PYGB: variants seen among roughly 807,000 people sequenced by gnomAD.
PYGB encodes the protein glycogen phosphorylase B.
In PYGB, 82 loss-of-function variants were observed where a neutral mutation model predicts 94.3. That is an observed-to-expected ratio of 0.87 (90% CI 0.73 to 1.04). PYGB has a LOEUF of 1.04. Among genes scored for constraint, PYGB ranks in the 50% least tolerant of loss-of-function variants. The pLI is 0.00. For synonymous variants in PYGB, 488 were observed against 479.1 expected (o/e 1.02, Z -0.24); for missense variants, 1,132 against 1,158.2 (o/e 0.98, Z 0.33).
intron 14 of PYGB, among the ~76,000 whole-genome samples, chr20:25,284,502 C>T (rs1462714991): frequency 1.3e-5 from 2 of 152,360 alleles, no homozygotes; most frequent in East Asian, 1.9e-4. Flanking sequence ...GGTGCCATCA[C>T]GGCTCACTGC....
chr20:25,260,898 G>C (rs563120187), intron 2 of PYGB, among the ~76,000 whole-genome samples: 1 of 152,356 alleles, frequency 6.6e-6, no homozygotes, highest in East Asian at 1.9e-4. Flanking sequence ...AACAGTATGA[G>C]ATTGAACTGC....
intron 14 of PYGB, among the ~76,000 whole-genome samples, chr20:25,287,096 G>A (rs1242879228): frequency 6.6e-6 from 1 of 152,148 alleles, no homozygotes; most frequent in Non-Finnish European, 1.5e-5. Flanking sequence ...TCCCCTTTTT[G>A]TAGGAACCTC....
chr20:25,278,857 C>T (rs1051808309), intron 8 of PYGB, among the ~76,000 whole-genome samples, 200 bp from the exon 9 acceptor site: 23 of 149,910 alleles, frequency 1.5e-4, no homozygotes, highest in African/African-American at 2.2e-4. Context: ...GCAGGCACAT[C>T]GGGCACAGCG....
At chr20:25,283,125 C>T (rs1311891155) in intron 12 of PYGB, 51 bp from the exon 13 acceptor site, 4 of 1,474,704 alleles carry the variant, frequency 2.7e-6, no homozygotes, top group Non-Finnish European at 3.8e-6. Context: ...CTAGGGGGCC[C>T]AGCCTCAGGA....
chr20:25,278,501 C>T (rs781571841), intron 8 of PYGB, 39 bp downstream of exon 8: 3 of 1,609,610 alleles, frequency 1.9e-6, no homozygotes, highest in Non-Finnish European at 2.5e-6. Context: ...GTGCCAGGGG[C>T]TGGGCGCCTT....
chr20:25,248,293 A>G lies in PYGB; in HGVS notation c.115A>G (p.Thr39Ala). Residue 39 changes from threonine to alanine, a missense_variant, in exon 1 of 20, where the codon ACG becomes GCG. Coordinates refer to ENST00000216962, the MANE Select transcript of PYGB (RefSeq NM_002862.4). ...RKSFNRHLHFTLVKDRNVATP... is the reference protein window; with the variant it reads ...RKSFNRHLHFALVKDRNVATP... Reference sequence around the variant, plus strand: ...GAGCTTCAACCGGCACTTGCACTTCACGCTGGTCAAGGACCGCAATGTGGC... The same window carrying G: ...GAGCTTCAACCGGCACTTGCACTTCGCGCTGGTCAAGGACCGCAATGTGGC... 1 of 1,605,122 alleles carries G rather than the reference A, an allele frequency of 6.2e-7. No homozygotes were observed. The highest frequency in any genetic ancestry group is 1.7e-4 in the Middle Eastern group (1 of 6,038).
chr20:25,271,713 T>G (rs900659757), intron 4 of PYGB, among the ~76,000 whole-genome samples: 3 of 152,178 alleles, frequency 2.0e-5, no homozygotes, highest in African/African-American at 7.2e-5. Context: ...TGCCTCTGCC[T>G]GGTGACAGGG....
chr20:25,288,196 G>A lies in PYGB; in HGVS notation c.1769-229G>A. The A allele has an allele frequency of 4.4e-6, 3 of 680,902 alleles. No individual in the cohort carries two copies. In the South Asian group the frequency reaches 4.5e-5, roughly 10 times the overall value. The allele number at this position is 680,902 out of a possible 1,614,324, so 42.2% of individuals were successfully genotyped here. A position where few individuals can be genotyped will look rare whatever the true frequency, so the allele number is the denominator to read the frequency against. On this transcript the variant is annotated intron_variant, in intron 14 of 19. Coordinates refer to ENST00000216962, the MANE Select transcript of PYGB (RefSeq NM_002862.4). Reference sequence around the variant, plus strand: ...CCTTCCTCACCAGCGGGGAACCTAAGTGCAGACCTCAGGGTGGCCTCACTC... The same window carrying A: ...CCTTCCTCACCAGCGGGGAACCTAAATGCAGACCTCAGGGTGGCCTCACTC...
chr20:25,287,477 T>C (rs1205460553), intron 14 of PYGB, among the ~76,000 whole-genome samples: 1 of 152,130 alleles, frequency 6.6e-6, no homozygotes, highest in African/African-American at 2.4e-5. Flanking sequence ...AAACCCCATC[T>C]GTACTAAAAG....
At chr20:25,294,992 A>T in intron 18 of PYGB, 26 of 1,614,196 alleles carry the variant, frequency 1.6e-5, no homozygotes, top group Non-Finnish European at 2.1e-5. Context: ...CTCTGACCAC[A>T]TGCTGGGATC....
At chr20:25,256,511 AAAAC>A (rs1481261305) in intron 1 of PYGB, among the ~76,000 whole-genome samples, 1 of 151,884 alleles carries the variant, frequency 6.6e-6, no homozygotes, top group Non-Finnish European at 1.5e-5. Context: ...AAAAAAAACA[AAAAC>A]AAAAACAAAA....
At chr20:25,249,168 GT>G (rs1444237533) in intron 1 of PYGB, among the ~76,000 whole-genome samples, 33 of 152,326 alleles carry the variant, frequency 2.2e-4, no homozygotes, top group African/African-American at 7.7e-4. Context: ...ATGGGCCTGT[GT>G]TCTTGCTGTG....
chr20:25,265,054 G>A (rs935976033), intron 2 of PYGB, among the ~76,000 whole-genome samples: 2 of 152,190 alleles, frequency 1.3e-5, no homozygotes, highest in Non-Finnish European at 2.9e-5. Flanking sequence ...AACCAAAACA[G>A]CATGGTACTG....
chr20:25,259,075 G>A (rs777105538), intron 1 of PYGB, among the ~76,000 whole-genome samples, 162 bp from the exon 2 acceptor site: 19 of 152,188 alleles, frequency 1.2e-4, no homozygotes, highest in South Asian at 2.1e-4. Flanking sequence ...TGGGGGCTGC[G>A]GTCAGCAGGC....
Position 25,295,640 on chromosome 20 carries a change from G to A in PYGB, c.2349G>A (p.Gln783=), listed in dbSNP as rs1045434579. 6.2e-7 allele frequency: 1 copy of A among 1,614,108 alleles called. No individual in the cohort carries two copies. The highest frequency in any genetic ancestry group is 1.3e-5 in the African/African-American group (1 of 75,078). The change falls in exon 19 of 20, where the codon CAG becomes CAA. Residue 783 remains glutamine, a synonymous_variant. Coordinates refer to ENST00000216962, the MANE Select transcript of PYGB (RefSeq NM_002862.4). ...KVFADYEAYM[Q]CQAQVDQLYR... ...TTGCAGACTATGAAGCCTACATGCA[G>A]TGCCAGGCACAGGTGGACCAGCTGT...
In PYGB at chr20:25,296,586, T is replaced by C; in HGVS notation, c.*64T>C. The C allele has an allele frequency of 3.2e-6, 5 of 1,547,374 alleles. No individual in the cohort carries two copies. The highest frequency in any genetic ancestry group is 3.5e-6 in the Non-Finnish European group (4 of 1,146,038). ...TCTTGCTGACTTTGCACCTCCTTTTTTCCCCAAACACTTTGCCAGCCACTG... is the reference window on the plus strand; with the variant it reads ...TCTTGCTGACTTTGCACCTCCTTTTCTCCCCAAACACTTTGCCAGCCACTG... On this transcript the variant is annotated 3_prime_UTR_variant, in exon 20 of 20. Transcript: ENST00000216962.
rs2227890 is a variant in PYGB at position 25,280,295 on chromosome 20, A to G, written c.1122A>G (p.Ala374=). The G allele has an allele frequency of 0.45, 730,537 of 1,613,708 alleles. 171,972 individuals are homozygous for G. The highest frequency in any genetic ancestry group is 0.92 in the East Asian group (41,148 of 44,884). ...KAWEITKKTC[A]YTNHTVLPEA... ...GGGAAATCACGAAGAAGACCTGTGC[A>G]TACACCAACCACACTGTGCTGCCTG... Residue 374 remains alanine, a synonymous_variant, in exon 10 of 20, where the codon GCA becomes GCG. Coordinates refer to ENST00000216962, the MANE Select transcript of PYGB (RefSeq NM_002862.4).
chr20:25,248,198 A>C lies in PYGB; in HGVS notation c.20A>C (p.Asp7Ala). 1 of 1,591,414 alleles carries C rather than the reference A, an allele frequency of 6.3e-7. No individual in the cohort carries two copies. The highest frequency in any genetic ancestry group is 8.6e-7 in the Non-Finnish European group (1 of 1,169,442). MAKPLTDSEKRKQISVR... is the reference protein window; with the variant it reads MAKPLTASEKRKQISVR... ...GGCGCGATGGCGAAGCCGCTGACGGACAGCGAGAAGCGGAAGCAGATCAGC... is the reference window on the plus strand; with the variant it reads ...GGCGCGATGGCGAAGCCGCTGACGGCCAGCGAGAAGCGGAAGCAGATCAGC... Residue 7 changes from aspartate to alanine, a missense_variant, in exon 1 of 20, where the codon GAC (aspartate) becomes GCC (alanine). Coordinates refer to ENST00000216962, the MANE Select transcript of PYGB (RefSeq NM_002862.4).
At chr20:25,280,876 CTGGTCATGGGGAG>C in intron 10 of PYGB, 60 bp from the exon 11 acceptor site, 1 of 1,545,014 alleles carries the variant, frequency 6.5e-7, no homozygotes, top group Non-Finnish European at 8.8e-7. Flanking sequence ...GGAGTGTCCC[CTGGTCATGGGGAG>C]TGCTGGGTCT....
Sources: allele counts gnomAD v4.1 joint callset (sites outside exome capture counted in the v4.1 genomes callset), GRCh38; gene constraint gnomAD v4.1.1; transcripts MANE v1.5; gene names NCBI Gene and HGNC (gene_info 2026-07-23, HGNC 2026-07-21).